MAD1L1: variants seen among roughly 807,000 people sequenced by gnomAD.
The protein encoded by MAD1L1 is mitotic arrest deficient 1 like 1.
Under a neutral mutation model 96.9 loss-of-function variants are expected in MAD1L1, and 95 were observed. The ratio of observed to expected loss-of-function variants is 0.98; its 90% CI spans 0.83 to 1.16. The LOEUF (loss-of-function observed/expected upper bound fraction) is 1.16, where lower values mean the gene tolerates loss of function less well. Ranked by LOEUF, MAD1L1 falls within the 50% of genes most tolerant of loss-of-function variation. MAD1L1 has a pLI of 0.00. For synonymous variants in MAD1L1, 473 were observed against 396.6 expected, an observed-to-expected ratio of 1.19 and a Z score of -2.29; for missense variants, 1,007 against 954.4, an observed-to-expected ratio of 1.06 and a Z score of -0.73.
intron 11 of MAD1L1, among the ~76,000 whole-genome samples, chr7:2,130,169 G>A (rs552036349): frequency 1.5e-3 from 224 of 152,352 alleles, no homozygotes; most frequent in South Asian, 1.7e-3. Context: ...CCTTCGGCCC[G>A]CAGCAGGTGC....
intron 14 of MAD1L1, among the ~76,000 whole-genome samples, chr7:1,987,320 G>A (rs1011908175): frequency 3.9e-5 from 6 of 152,348 alleles, no homozygotes; most frequent in East Asian, 1.9e-4. Flanking sequence ...GCACACAGTC[G>A]GTGCTTGGAC....
chr7:1,912,331 C>G (rs1448954487), intron 17 of MAD1L1, among the ~76,000 whole-genome samples: 1 of 152,214 alleles, frequency 6.6e-6, no homozygotes, highest in Non-Finnish European at 1.5e-5. Flanking sequence ...TTTTGGGGAA[C>G]ATGAGCTGAG....
At chr7:2,189,268 C>G (rs1011723265) in intron 10 of MAD1L1, among the ~76,000 whole-genome samples, 2 of 152,140 alleles carry the variant, frequency 1.3e-5, no homozygotes, top group African/African-American at 4.8e-5. Flanking sequence ...TGTAGTGGCT[C>G]CTAAAATAGT....
At chr7:2,043,899 A>G (rs1783805043) in intron 12 of MAD1L1, among the ~76,000 whole-genome samples, 1 of 152,248 alleles carries the variant, frequency 6.6e-6, no homozygotes, top group African/African-American at 2.4e-5. Flanking sequence ...GGAACGTGGC[A>G]GACCTCACCG....
At chr7:1,821,114 G>A (rs1330429730) in intron 18 of MAD1L1, among the ~76,000 whole-genome samples, 11 of 147,526 alleles carry the variant, frequency 7.5e-5, no homozygotes, top group Admixed American at 6.8e-4. Flanking sequence ...AGAGTGAAAT[G>A]ACCAATATCA....
Position 2,190,879 on chromosome 7 carries a change from G to A in MAD1L1, c.986+22333C>T, listed in dbSNP as rs565516628. ...CCAGCGGAATTCTCACACACGGGTG[G>A]CCAGGGGACAGAATTAGGCAGCCAC... On this transcript the variant is annotated intron_variant, in intron 10 of 18. Transcript: ENST00000265854. 9.9e-5 allele frequency among the ~76,000 whole-genome samples: 15 copies of A among 152,268 alleles called. No homozygotes were observed. The East Asian group carries it at 2.7e-3, about 27-fold the overall frequency.
intron 6 of MAD1L1, among the ~76,000 whole-genome samples, chr7:2,218,608 C>T (rs1235116361): frequency 6.6e-6 from 1 of 152,200 alleles, no homozygotes; most frequent in Non-Finnish European, 1.5e-5. Context: ...ATGATGCTGC[C>T]CTTTCAACCT....
At chr7:2,072,187 A>G (rs1785164957) in intron 11 of MAD1L1, among the ~76,000 whole-genome samples, 1 of 152,246 alleles carries the variant, frequency 6.6e-6, no homozygotes, top group South Asian at 2.1e-4. Flanking sequence ...CTCCAGGTAG[A>G]CAGTGTCAGA....
intron 18 of MAD1L1, among the ~76,000 whole-genome samples, chr7:1,886,813 G>A (rs1181616981): frequency 1.3e-5 from 2 of 152,256 alleles, no homozygotes; most frequent in Non-Finnish European, 2.9e-5. Context: ...CAGCAGGTGA[G>A]GAGTGAGCAC....
At chr7:2,151,611 C>T (rs1482873679) in intron 10 of MAD1L1, among the ~76,000 whole-genome samples, 3 of 152,262 alleles carry the variant, frequency 2.0e-5, no homozygotes, top group Non-Finnish European at 4.4e-5. Flanking sequence ...AAACAAGCTT[C>T]TTGCCCCAAG....
intron 18 of MAD1L1, among the ~76,000 whole-genome samples, chr7:1,873,197 C>T (rs190624932): frequency 2.0e-4 from 31 of 152,220 alleles, no homozygotes; most frequent in Non-Finnish European, 4.3e-4. Context: ...CCTTGACCCC[C>T]ACCGTAAATG....
intron 18 of MAD1L1, among the ~76,000 whole-genome samples, chr7:1,883,851 G>A (rs779757636): frequency 1.3e-5 from 2 of 152,170 alleles, no homozygotes; most frequent in Admixed American, 6.5e-5. Context: ...GGACTCGACC[G>A]GAGCAGGAGC....
intron 18 of MAD1L1, 53 bp from the exon 19 acceptor site, chr7:1,816,281 C>T: frequency 6.4e-7 from 1 of 1,552,698 alleles, no homozygotes; most frequent in Non-Finnish European, 8.8e-7. Flanking sequence ...ACAGGCCTCT[C>T]CCTCTCCCCT....
chr7:1,838,858 A>G (rs1783077690), intron 18 of MAD1L1: 1 of 471,276 alleles, frequency 2.1e-6, no homozygotes, highest in African/African-American at 2.0e-5. Flanking sequence ...AGAAGAAGGT[A>G]TGACTGACAG....
intron 15 of MAD1L1, among the ~76,000 whole-genome samples, chr7:1,970,968 C>A (rs1485364156): frequency 6.6e-6 from 1 of 152,176 alleles, no homozygotes; most frequent in African/African-American, 2.4e-5. Flanking sequence ...CCATTGTGTG[C>A]GAGTTGCGCT....
At chr7:2,124,836 C>T (rs1788155428) in intron 11 of MAD1L1, among the ~76,000 whole-genome samples, 1 of 152,210 alleles carries the variant, frequency 6.6e-6, no homozygotes, top group Non-Finnish European at 1.5e-5. Context: ...ACAACAGAGG[C>T]ACCTCCGGGT....
rs959016979 is a variant in MAD1L1, at chr7:1,936,685, A to G, written c.1807+2T>C. 8 of 1,548,828 alleles carry G rather than the reference A, an allele frequency of 5.2e-6. No homozygotes were observed. The highest frequency in any genetic ancestry group is 7.0e-6 in the Non-Finnish European group (8 of 1,147,848). ...CAGGGACCGGGGGTGGGGGGTGCCT[A>G]CCTGCCACCTCCTTGGACGATGGCA... On this transcript the variant is annotated splice_donor_variant, in intron 17 of 18. Transcript: ENST00000265854. LOFTEE classifies it high-confidence loss of function.
rs994888884 is a variant in MAD1L1, at chr7:2,229,932, C to T, written c.150+52G>A. 50 of 1,584,862 alleles carry T rather than the reference C, an allele frequency of 3.2e-5. No individual in the cohort carries two copies. In the Admixed American group the frequency reaches 5.7e-4, roughly 18 times the overall value. ...ACAGAAGACTGGAAGAGGTCCTGCC[C>T]GGGCCCAGGGTCTCCCCAGAGCAGA... On this transcript the variant is annotated intron_variant, in intron 3 of 18. Coordinates refer to ENST00000265854, the MANE Select transcript of MAD1L1 (RefSeq NM_001013836.2).
At chr7:1,879,654 A>G (rs1182489483) in intron 18 of MAD1L1, among the ~76,000 whole-genome samples, 1 of 152,228 alleles carries the variant, frequency 6.6e-6, no homozygotes, top group Non-Finnish European at 1.5e-5. Flanking sequence ...GACTTACTAT[A>G]AAGCTGCAGT....
Sources: gnomAD v4.1 joint callset for allele counts (sites outside exome capture counted in the v4.1 genomes callset) on GRCh38, gnomAD v4.1.1 for gene constraint, MANE v1.5 for transcripts, NCBI Gene and HGNC (gene_info 2026-07-23, HGNC 2026-07-21) for gene names.